The following LRP8 variants were observed in gnomAD, a reference collection of about 807,000 sequenced individuals.
LRP8 encodes low-density lipoprotein receptor-related protein 8.
In LRP8, 46 loss-of-function variants were observed where a neutral mutation model predicts 111.6. The observed-to-expected ratio is 0.41, with a 90% CI of 0.33 to 0.53. The LOEUF (loss-of-function observed/expected upper bound fraction) is 0.53. Ranked by LOEUF, LRP8 falls within the 20% of genes least tolerant of loss-of-function variation. The pLI is 0.20. For synonymous variants in LRP8, 464 were observed against 511.2 expected (o/e 0.91, Z 1.24); for missense variants, 959 against 1,297.4 (o/e 0.74, Z 4.01).
Position 53,257,290 on chromosome 1 carries a change from C to T in LRP8, c.2384G>A (p.Ser795Asn). The change falls in exon 15 of 19, where the codon AGC (serine) becomes AAC (asparagine). Residue 795 changes from serine (S) to asparagine (N), a missense_variant. Around this residue, in one of 3 missense-constraint regions of LRP8, gnomAD observed 819 missense variants for 1,097.6 expected, o/e 0.75. Transcript: ENST00000306052. ...PSSVSVPRAPSISPSTLSPAT... is the reference protein window; with the variant it reads ...PSSVSVPRAPNISPSTLSPAT... ...AGGGCTTAGGGTAGACGGGCTGATG[C>T]TGGGAGCCCTGGGGACACTAACTGA... 6.2e-7 allele frequency: 1 copy of T among 1,614,110 alleles called. No homozygotes were observed. The highest frequency in any genetic ancestry group is 8.5e-7 in the Non-Finnish European group (1 of 1,180,014).
chr1:53,275,842 C>A lies in LRP8; in HGVS notation c.884-89G>T, dbSNP rs964660766. On this transcript the variant is annotated intron_variant, in intron 5 of 18. Transcript: ENST00000306052. The surrounding 1 kb of genome is among the most constrained non-coding windows in gnomAD (Gnocchi z 4.4). ...ACCCCAATCCCCATGCCATAGCCACCCCCAGCAAAAACAGAACCAGTGGCT... is the reference window on the plus strand; with the variant it reads ...ACCCCAATCCCCATGCCATAGCCACACCCAGCAAAAACAGAACCAGTGGCT... The A allele has an allele frequency of 1.3e-6, 2 of 1,496,906 alleles. No individual in the cohort carries two copies. The highest frequency in any genetic ancestry group is 1.8e-6 in the Non-Finnish European group (2 of 1,113,440). 92.7% of individuals were successfully genotyped at this position (1,496,906 alleles called of 1,614,324 possible).
At chr1:53,288,625 G>A (rs926135351) in intron 3 of LRP8, among the ~76,000 whole-genome samples, 59 of 152,210 alleles carry the variant, frequency 3.9e-4, no homozygotes, top group African/African-American at 1.3e-3. Flanking sequence ...CAGCCACGGC[G>A]TTAGATGGGA....
intron 3 of LRP8, among the ~76,000 whole-genome samples, chr1:53,283,628 CTT>C: frequency 5.1e-5 from 1 of 19,630 alleles, no homozygotes; most frequent in Non-Finnish European, 1.2e-4. Context: ...GGGCCACTTA[CTT>C]ACTTACTACA....
chr1:53,289,340 T>C (rs1253611363), intron 3 of LRP8: 2 of 460,664 alleles, frequency 4.3e-6, no homozygotes, highest in Non-Finnish European at 7.4e-6. Context: ...TGTTTCTAGC[T>C]CCTGCTGCCA....
chr1:53,326,201 C>G (rs17108330), intron 2 of LRP8, among the ~76,000 whole-genome samples: 5,627 of 152,332 alleles, frequency 0.037, 273 homozygotes, highest in African/African-American at 0.1. Flanking sequence ...AAGGTCTTCA[C>G]TGTGACTCGG....
chr1:53,289,804 C>T, intron 2 of LRP8, 115 bp from the exon 3 acceptor site: 1 of 1,373,256 alleles, frequency 7.3e-7, no homozygotes, highest in Non-Finnish European at 1.0e-6. Context: ...TGACCAAGGG[C>T]AGAGGACAGG....
chr1:53,242,733 C>T lies in LRP8; in HGVS notation c.*4285G>A, dbSNP rs1255545318. 1.3e-5 allele frequency: 2 copies of T among 151,254 alleles called. No homozygotes were observed. Among genetic ancestry groups the T allele is most frequent in the Non-Finnish European group, 2.9e-5 (2 of 67,892 alleles). The allele number at this position is 151,254 out of a possible 1,614,324, so 9.4% of individuals were successfully genotyped here. ...CACTTTACCCCCAAATTAACAACAG[C>T]TTGTATGGAAAAAAAAATGCTCTTT... On this transcript the variant is annotated 3_prime_UTR_variant, in exon 19 of 19. Transcript: ENST00000306052.
chr1:53,267,583 G>T (rs141416179), intron 8 of LRP8: 83 of 152,360 alleles, frequency 5.4e-4, no homozygotes, highest in African/African-American at 1.7e-3. Flanking sequence ...GGGTGAGTTT[G>T]TTCTCTATCC....
chr1:53,247,112 T>C, intron 18 of LRP8, 56 bp from the exon 19 acceptor site: 1 of 1,404,806 alleles, frequency 7.1e-7, no homozygotes, highest in Non-Finnish European at 9.8e-7. Flanking sequence ...ACTATTTATT[T>C]AGTATTGACA....
chr1:53,300,762 A>C (rs1650665652), intron 2 of LRP8, among the ~76,000 whole-genome samples: 1 of 152,166 alleles, frequency 6.6e-6, no homozygotes, highest in Admixed American at 6.5e-5. Flanking sequence ...AAAGCCCTTC[A>C]CAGGGCTTCT....
intron 2 of LRP8, among the ~76,000 whole-genome samples, chr1:53,320,720 C>G (rs2100546539): frequency 6.6e-6 from 1 of 152,320 alleles, no homozygotes; most frequent in South Asian, 2.1e-4. Context: ...CTCCAGAGAA[C>G]AGGGTCCCTC....
At chr1:53,308,512 C>T (rs887041059) in intron 2 of LRP8, among the ~76,000 whole-genome samples, 5 of 152,244 alleles carry the variant, frequency 3.3e-5, no homozygotes, top group Non-Finnish European at 7.3e-5. Context: ...AATAAATTTA[C>T]TGCCTCACTT....
intron 2 of LRP8, among the ~76,000 whole-genome samples, chr1:53,309,863 C>T (rs186374352): frequency 2.6e-5 from 4 of 152,182 alleles, no homozygotes; most frequent in East Asian, 1.9e-4. Context: ...CAGTGATCGC[C>T]GTTATTCATA....
At chr1:53,252,271 T>C (rs950215069) in intron 16 of LRP8, among the ~76,000 whole-genome samples, 3 of 152,104 alleles carry the variant, frequency 2.0e-5, no homozygotes, top group Non-Finnish European at 2.9e-5. Context: ...GGCTCACATA[T>C]GTAATACCAA....
At chr1:53,326,163 C>A (rs913621549) in intron 2 of LRP8, among the ~76,000 whole-genome samples, 36 of 152,248 alleles carry the variant, frequency 2.4e-4, no homozygotes, top group African/African-American at 8.7e-4. Context: ...AGCAGGAAAG[C>A]GCGGTCTGCT....
At chr1:53,260,340 T>G in intron 13 of LRP8, 124 bp downstream of exon 13, 4 of 811,226 alleles carry the variant, frequency 4.9e-6, no homozygotes, top group Non-Finnish European at 8.1e-6. Context: ...ACAAGAGGGA[T>G]TGTTGTTATT....
At chr1:53,314,983 C>T (rs768670050) in intron 2 of LRP8, among the ~76,000 whole-genome samples, 14 of 152,208 alleles carry the variant, frequency 9.2e-5, no homozygotes, top group Non-Finnish European at 1.5e-4. Flanking sequence ...GTCCCTTCAG[C>T]CCTGGCTGAC....
In LRP8 at chr1:53,303,251, G is replaced by C. The variant is rs1358696706; in HGVS notation, c.245-13562C>G. On this transcript the variant is annotated intron_variant, in intron 2 of 18. Coordinates refer to ENST00000306052, the MANE Select transcript of LRP8 (RefSeq NM_004631.5). The surrounding 1 kb of genome is among the most constrained non-coding windows in gnomAD (Gnocchi z 4.3). Reference sequence around the variant, plus strand: ...AGGGCCGGGGGCAGACAGGCAAGGGGCATGGCTTAGCTGGAAAAGCATCTG... The same window carrying C: ...AGGGCCGGGGGCAGACAGGCAAGGGCCATGGCTTAGCTGGAAAAGCATCTG... Among the ~76,000 whole-genome samples the C allele has an allele frequency of 1.3e-5, 2 of 152,206 alleles. No individual in the cohort carries two copies. The highest frequency in any genetic ancestry group is 2.9e-5 in the Non-Finnish European group (2 of 68,044).
Position 53,257,440 on chromosome 1 carries a change from G to C in LRP8, c.2234C>G (p.Thr745Arg). 6.2e-7 allele frequency: 1 copy of C among 1,614,160 alleles called. No homozygotes were observed. The highest frequency in any genetic ancestry group is 8.5e-7 in the Non-Finnish European group (1 of 1,180,004). The change falls in exon 15 of 19, where the codon ACG becomes AGG. Residue 745 changes from threonine (T) to arginine (R), a missense_variant. Transcript: ENST00000306052. ...YRAPQSTSTT[T>R]LASTMTRTVP... Reference sequence around the variant, plus strand: ...TGTCCTCGTCATGGTAGAAGCTAACGTCGTAGTTGAGGTAGATTGAGGTGC... The same window carrying C: ...TGTCCTCGTCATGGTAGAAGCTAACCTCGTAGTTGAGGTAGATTGAGGTGC...
Sources: allele counts gnomAD v4.1 joint callset (sites outside exome capture counted in the v4.1 genomes callset), GRCh38; gene constraint gnomAD v4.1.1; regional missense constraint gnomAD v4.1.1; non-coding constraint Gnocchi (gnomAD v3.1); transcripts MANE v1.5; gene names NCBI Gene and HGNC (gene_info 2026-07-23, HGNC 2026-07-21).